Variants in CHN1 observed in about 807,000 individuals in gnomAD.
CHN1 encodes the protein N-chimaerin.
A neutral mutation model predicts 59.5 loss-of-function variants in CHN1; 37 were observed. That is an observed-to-expected ratio of 0.62 (90% CI 0.48 to 0.82). The LOEUF is 0.82. CHN1 is among the 40% of genes least tolerant of loss of function. CHN1 has a pLI of 0.00. For missense variants in CHN1, 469 were observed against 571.0 expected (o/e 0.82, Z 1.82); for synonymous variants, 206 against 200.4 (o/e 1.03, Z -0.24).
chr2:174,806,236 T>C (rs1285100808), intron 11 of CHN1, among the ~76,000 whole-genome samples: 1 of 152,188 alleles, frequency 6.6e-6, no homozygotes, highest in African/African-American at 2.4e-5. Context: ...TGGGATGACC[T>C]GGCCTTCTCC....
chr2:174,802,547 G>A (rs1049128181), intron 11 of CHN1, among the ~76,000 whole-genome samples: 2 of 152,214 alleles, frequency 1.3e-5, no homozygotes, highest in African/African-American at 4.8e-5. Flanking sequence ...AAATTTTGAA[G>A]GGAACCATCT....
At chr2:174,818,274 T>C (rs1339416201) in intron 8 of CHN1, among the ~76,000 whole-genome samples, 1 of 152,226 alleles carries the variant, frequency 6.6e-6, no homozygotes, top group East Asian at 1.9e-4. Context: ...AAAATGTATC[T>C]GATAAGGCTA....
chr2:174,982,425 G>T (rs1416341638), intron 1 of CHN1, among the ~76,000 whole-genome samples: 1 of 152,302 alleles, frequency 6.6e-6, no homozygotes, highest in Admixed American at 6.5e-5. Context: ...CAGTGTAAAA[G>T]TGTTCCTATT....
intron 6 of CHN1, 98 bp from the exon 7 acceptor site, chr2:174,847,055 T>C (rs1471993597): frequency 6.4e-7 from 1 of 1,551,720 alleles, no homozygotes; most frequent in Non-Finnish European, 8.7e-7. Flanking sequence ...TAAATCTTGC[T>C]GACGGCCCTC....
intron 7 of CHN1, among the ~76,000 whole-genome samples, chr2:174,838,602 G>A (rs1686176351): frequency 6.6e-6 from 1 of 152,168 alleles, no homozygotes; most frequent in South Asian, 2.1e-4. Context: ...GAAGGGGTGA[G>A]TGAATATAAG....
chr2:174,992,197 A>G (rs558026157), intron 1 of CHN1, among the ~76,000 whole-genome samples: 23 of 152,304 alleles, frequency 1.5e-4, no homozygotes, highest in Admixed American at 1.5e-3. Context: ...GAGGCAAAGA[A>G]AGAGAGGATG....
chr2:174,811,607 T>G lies in CHN1; in HGVS notation c.887-19A>C. 1 of 1,514,760 alleles carries G rather than the reference T, an allele frequency of 6.6e-7. No homozygotes were observed. The highest frequency in any genetic ancestry group is 9.1e-7 in the Non-Finnish European group (1 of 1,100,354). 93.8% of individuals were successfully genotyped at this position (1,514,760 alleles called of 1,614,324 possible). ...TTAAGACCTGAAAAATAAAACTAGT[T>G]AGTTTCTTTGAATTATGCCTTTTCT... On this transcript the variant is annotated intron_variant, in intron 9 of 12. Transcript: ENST00000409900.
intron 8 of CHN1, chr2:174,821,733 C>T (rs1326847019): frequency 2.2e-6 from 1 of 463,352 alleles, no homozygotes. Context: ...CCTTACCAGA[C>T]ACTGAACCTG....
chr2:174,889,484 A>G (rs944382877), intron 5 of CHN1, among the ~76,000 whole-genome samples: 1 of 152,164 alleles, frequency 6.6e-6, no homozygotes, highest in African/African-American at 2.4e-5. Context: ...CAACTGAACA[A>G]TATCAAGGAA....
At chr2:174,969,693 CTTTTT>C (rs112603523) in intron 1 of CHN1, among the ~76,000 whole-genome samples, 30 of 150,060 alleles carry the variant, frequency 2.0e-4, no homozygotes, top group African/African-American at 7.3e-4. Context: ...ACTTCATACT[CTTTTT>C]TTTTTCTACT....
At chr2:175,001,110 C>G (rs546530662) in intron 1 of CHN1, among the ~76,000 whole-genome samples, 11 of 152,068 alleles carry the variant, frequency 7.2e-5, no homozygotes, top group African/African-American at 2.7e-4. Flanking sequence ...GACACCAGTA[C>G]AAGAAGGAAC....
At position 174,812,295 on chromosome 2, in the gene CHN1, T is replaced by C; in HGVS notation, c.886+14A>G. ...GAACGGAGACCACTGCAACCCGCAC[T>C]GCAAATGGCTCACCTCTAGACTCAA... On this transcript the variant is annotated intron_variant, in intron 9 of 12. Transcript: ENST00000409900. The C allele has an allele frequency of 6.2e-7, 1 of 1,600,310 alleles. No homozygotes were observed. Among genetic ancestry groups the C allele is most frequent in the Non-Finnish European group, 8.5e-7 (1 of 1,170,740 alleles).
In CHN1 at chr2:174,800,383, T is replaced by C. The variant is rs569344270; in HGVS notation, c.1209-96A>G. The C allele has an allele frequency of 3.9e-5, 37 of 953,270 alleles. No individual in the cohort carries two copies. In the African/African-American group the frequency reaches 4.0e-4, roughly 10 times the overall value. 59.1% of individuals were successfully genotyped at this position (953,270 alleles called of 1,614,324 possible). On this transcript the variant is annotated intron_variant, in intron 12 of 12. Transcript: ENST00000409900. ...AAACAACAAGATTCACAATAAAAGTTTGCGTCCGCTTATCAACTCTTCCAC... is the reference window on the plus strand; with the variant it reads ...AAACAACAAGATTCACAATAAAAGTCTGCGTCCGCTTATCAACTCTTCCAC...
chr2:174,870,858 G>A (rs146289941), intron 6 of CHN1, among the ~76,000 whole-genome samples: 2 of 152,106 alleles, frequency 1.3e-5, no homozygotes, highest in Admixed American at 6.5e-5. Context: ...GATTTTATTT[G>A]TTTAGTTGGC....
chr2:174,984,765 G>A (rs1262941462), intron 1 of CHN1, among the ~76,000 whole-genome samples: 1 of 152,170 alleles, frequency 6.6e-6, no homozygotes, highest in East Asian at 1.9e-4. Flanking sequence ...AGAAGAAAGG[G>A]CAAGCTAACA....
At chr2:175,001,132 T>C (rs1360642681) in intron 1 of CHN1, among the ~76,000 whole-genome samples, 1 of 152,154 alleles carries the variant, frequency 6.6e-6, no homozygotes, top group Non-Finnish European at 1.5e-5. Context: ...TGGACAAAAA[T>C]TTAAATAAGG....
chr2:174,967,288 C>T (rs1189679100), intron 1 of CHN1, among the ~76,000 whole-genome samples: 2 of 151,926 alleles, frequency 1.3e-5, no homozygotes, highest in Non-Finnish European at 2.9e-5. Context: ...CCAGGAAGGT[C>T]GAGACTGCAG....
At chr2:174,811,876 T>G (rs963110383) in intron 9 of CHN1, among the ~76,000 whole-genome samples, 1 of 152,184 alleles carries the variant, frequency 6.6e-6, no homozygotes, top group Non-Finnish European at 1.5e-5. Context: ...TTCTTTTACA[T>G]AACAGAAGAC....
chr2:174,952,067 A>ATGGG (rs1249823946), intron 2 of CHN1, 97 bp downstream of exon 2: 2 of 749,642 alleles, frequency 2.7e-6, no homozygotes, highest in East Asian at 6.8e-5. Flanking sequence ...TTTTTCAACA[A>ATGGG]TGGGTACAAA....
Sources: allele counts gnomAD v4.1 joint callset (sites outside exome capture counted in the v4.1 genomes callset), GRCh38; gene constraint gnomAD v4.1.1; transcripts MANE v1.5; gene names NCBI Gene and HGNC (gene_info 2026-07-23, HGNC 2026-07-21).